Variants in VCPKMT observed in about 807,000 individuals in gnomAD.
VCPKMT encodes the protein protein N-lysine methyltransferase METTL21D.
VCPKMT carries 32 observed loss-of-function variants against 28.6 expected under a neutral mutation model. The ratio of observed to expected loss-of-function variants is 1.12; its 90% confidence interval spans 0.84 to 1.50. The LOEUF is 1.50. Ranked by LOEUF, VCPKMT falls within the 40% of genes most tolerant of loss-of-function variation. The probability of loss-of-function intolerance (pLI) is 0.00; values close to 1 mark genes in which losing one functional copy is unlikely to be tolerated. For missense variants in VCPKMT, 366 were observed against 285.0 expected (o/e 1.28, Z -2.05); for synonymous variants, 138 against 111.4 (o/e 1.24, Z -1.50).
intron 5 of VCPKMT, 126 bp downstream of exon 5, chr14:50,112,489 A>T: frequency 2.0e-6 from 1 of 505,492 alleles, no homozygotes; most frequent in Non-Finnish European, 3.5e-6. Flanking sequence ...TTACTGCCTG[A>T]GTCCAGTGAA....
At chr14:50,111,011 T>A (rs886199957) in intron 5 of VCPKMT, 4 of 292,492 alleles carry the variant, frequency 1.4e-5, no homozygotes, top group Non-Finnish European at 1.5e-5. Context: ...AGGGAGTGAC[T>A]GCTAATGGGT....
intron 5 of VCPKMT, 93 bp downstream of exon 5, chr14:50,112,522 T>A (rs1380768432): frequency 6.1e-6 from 4 of 650,916 alleles, no homozygotes; most frequent in African/African-American, 3.9e-5. Context: ...TTTCTCCACA[T>A]CAAAATCAAC....
At chr14:50,116,553 TGCGCCCGGCAACAGAAAGCGGC>T in exon 1 of VCPKMT, 1 of 1,602,274 alleles carries the variant, frequency 6.2e-7, no homozygotes, top group Non-Finnish European at 8.5e-7. Context: ...TATCCGCCAT[TGCGCCCGGCAACAGAAAGCGGC>T]GCGCGCAGGG....
chr14:50,103,205 C>T, the VCPKMT span, among the ~76,000 whole-genome samples: 2 of 152,170 alleles, frequency 1.3e-5, no homozygotes, highest in African/African-American at 2.4e-5. Context: ...GAAACAGACA[C>T]AATCCAAGGT....
chr14:50,108,168 G>A (rs951531160), downstream of VCPKMT, among the ~76,000 whole-genome samples: 2 of 121,340 alleles, frequency 1.6e-5, no homozygotes, highest in Non-Finnish European at 3.3e-5. Context: ...CTCCAGCCTG[G>A]GCAACAGAAC....
the VCPKMT span, among the ~76,000 whole-genome samples, chr14:50,102,768 C>T: frequency 6.6e-6 from 1 of 152,178 alleles, no homozygotes; most frequent in African/African-American, 2.4e-5. Flanking sequence ...TCCTTGTTTT[C>T]AACCTGTGAA....
At chr14:50,106,471 G>A (rs927863553), downstream of VCPKMT, 24 of 856,198 alleles carry the variant, frequency 2.8e-5, no homozygotes, top group Non-Finnish European at 3.2e-5. Context: ...TTTAAACCAC[G>A]TCGTCCCCTC....
At chr14:50,105,618 GAGA>G (rs1163643642), downstream of VCPKMT, among the ~76,000 whole-genome samples, 4 of 152,122 alleles carry the variant, frequency 2.6e-5, no homozygotes, top group Admixed American at 6.6e-5. Flanking sequence ...GTGACAGAGT[GAGA>G]GTCCGTCTCG....
intron 4 of VCPKMT, among the ~76,000 whole-genome samples, chr14:50,113,809 G>GGGGGGGGGGGGGGGGGGGGGGGGGGT (rs1566807810): frequency 2.5e-5 from 1 of 39,782 alleles, no homozygotes; most frequent in Non-Finnish European, 5.1e-5. Flanking sequence ...GGGGGGGGGG[G>GGGGGGGGGGGGGGGGGGGGGGGGGGT]TGACACTGAG....
intron 5 of VCPKMT, chr14:50,111,987 G>A (rs2180250): frequency 0.38 from 369,422 of 984,624 alleles, 72,437 homozygotes; most frequent in Non-Finnish European, 0.4. Context: ...TTGTTATACA[G>A]GGTAAAACAT....
At chr14:50,104,670 T>A (rs1268231437), downstream of VCPKMT, among the ~76,000 whole-genome samples, 5 of 146,214 alleles carry the variant, frequency 3.4e-5, no homozygotes, top group Admixed American at 2.7e-4. Flanking sequence ...CCTTCAGAAG[T>A]AAGAACTACC....
intron 2 of VCPKMT, 51 bp from the exon 3 acceptor site, chr14:50,115,962 C>T: frequency 6.2e-7 from 1 of 1,601,520 alleles, no homozygotes; most frequent in South Asian, 1.1e-5. Flanking sequence ...TCAAAATACT[C>T]TTGTTTTATA....
chr14:50,110,433 G>C (rs1882562793), intron 5 of VCPKMT, among the ~76,000 whole-genome samples: 1 of 152,050 alleles, frequency 6.6e-6, no homozygotes, highest in South Asian at 2.1e-4. Flanking sequence ...CTGAAAATGG[G>C]CCAAGCATTT....
chr14:50,108,758 T>A lies in VCPKMT; in HGVS notation c.*941A>T, dbSNP rs1436218094. On this transcript the variant is annotated 3_prime_UTR_variant, in exon 6 of 6. Coordinates refer to ENST00000395860, the MANE Select transcript of VCPKMT (RefSeq NM_024558.3). Reference sequence around the variant, plus strand: ...AAGTATGATTAAAGTCCTTGACAGATTATTGTATATGAGCGAATGGCTTCA... The same window carrying A: ...AAGTATGATTAAAGTCCTTGACAGAATATTGTATATGAGCGAATGGCTTCA... 5 of 985,708 alleles carry A rather than the reference T, an allele frequency of 5.1e-6. No individual in the cohort carries two copies. The African/African-American group carries it at 8.7e-5, about 17-fold the overall frequency. The allele number at this position is 985,708 out of a possible 1,614,324, so 61.1% of individuals were successfully genotyped here.
chr14:50,103,965 T>C (rs536452726), downstream of VCPKMT, among the ~76,000 whole-genome samples: 3 of 152,300 alleles, frequency 2.0e-5, no homozygotes, highest in South Asian at 6.2e-4. Flanking sequence ...GTACATTACA[T>C]GTATTTGACT....
chr14:50,114,506 T>C (rs1566808685), intron 3 of VCPKMT, 102 bp from the exon 4 acceptor site: 1 of 784,878 alleles, frequency 1.3e-6, no homozygotes, highest in South Asian at 3.1e-5. Context: ...CCCTACAATT[T>C]ATCCATCTTT....
At chr14:50,115,157 T>TG (rs1196221812) in intron 3 of VCPKMT, among the ~76,000 whole-genome samples, 2 of 124,676 alleles carry the variant, frequency 1.6e-5, no homozygotes, top group South Asian at 2.8e-4. Flanking sequence ...TTTTTTTTTT[T>TG]TTTTTTTTTT....
downstream of VCPKMT, among the ~76,000 whole-genome samples, chr14:50,105,332 T>G (rs1204805653): frequency 1.3e-5 from 2 of 152,220 alleles, no homozygotes; most frequent in Non-Finnish European, 2.9e-5. Flanking sequence ...TAATAGTTCT[T>G]ACTTTAAAAT....
chr14:50,103,175 A>G, the VCPKMT span, among the ~76,000 whole-genome samples: 1 of 152,200 alleles, frequency 6.6e-6, no homozygotes. Context: ...CCTATGTGCC[A>G]CTTTACACTG....
Sources: allele counts gnomAD v4.1 joint callset (sites outside exome capture counted in the v4.1 genomes callset), GRCh38; gene constraint gnomAD v4.1.1; transcripts MANE v1.5; gene names NCBI Gene and HGNC (gene_info 2026-07-23, HGNC 2026-07-21).